ADAM22: variants seen among roughly 807,000 people sequenced by gnomAD.
ADAM22 encodes ADAM metallopeptidase domain 22, also known as disintegrin and metalloproteinase domain-containing protein 22.
Under a neutral mutation model 144.6 loss-of-function variants are expected in ADAM22, and 65 were observed. The ratio of observed to expected loss-of-function variants is 0.45; its 90% CI spans 0.37 to 0.55. The LOEUF (loss-of-function observed/expected upper bound fraction) is 0.55. ADAM22 is among the 20% of genes least tolerant of loss of function. The pLI, the probability that ADAM22 is intolerant of heterozygous loss-of-function variation, is 0.00. For synonymous variants in ADAM22, 391 were observed against 412.6 expected (o/e 0.95, Z 0.63); for missense variants, 974 against 1,184.9 (o/e 0.82, Z 2.61).
chr7:88,069,230 C>G (rs1812097740), intron 3 of ADAM22, among the ~76,000 whole-genome samples: 2 of 151,754 alleles, frequency 1.3e-5, no homozygotes, highest in African/African-American at 4.8e-5. Flanking sequence ...TCTCCCTTTC[C>G]TTCTCTCTCC....
At chr7:88,045,995 T>G (rs1804601938) in intron 3 of ADAM22, among the ~76,000 whole-genome samples, 1 of 151,520 alleles carries the variant, frequency 6.6e-6, no homozygotes, top group Non-Finnish European at 1.5e-5. Flanking sequence ...ACCCCATATC[T>G]TAGGTATTGC....
intron 2 of ADAM22, among the ~76,000 whole-genome samples, chr7:87,935,477 C>CA (rs1175782871): frequency 1.3e-5 from 2 of 152,132 alleles, no homozygotes; most frequent in East Asian, 3.9e-4. Context: ...ATCTGTCAAG[C>CA]AAAAGCCAGG....
chr7:88,021,965 A>G (rs932607504), intron 3 of ADAM22, among the ~76,000 whole-genome samples: 3 of 151,828 alleles, frequency 2.0e-5, no homozygotes, highest in African/African-American at 4.8e-5. Context: ...CTTGAACTCC[A>G]GGGCTCAAGT....
chr7:88,150,117 T>C (rs1837889281), intron 18 of ADAM22, among the ~76,000 whole-genome samples: 1 of 152,218 alleles, frequency 6.6e-6, no homozygotes, highest in African/African-American at 2.4e-5. Flanking sequence ...ACCGATGTCA[T>C]TAAGTCCTCC....
intron 7 of ADAM22, among the ~76,000 whole-genome samples, chr7:88,121,657 G>A (rs529818145): frequency 1.3e-5 from 2 of 152,232 alleles, no homozygotes; most frequent in African/African-American, 4.8e-5. Flanking sequence ...TCTCCACAGG[G>A]CTGCCCCCCA....
At chr7:88,113,219 T>G (rs567698299) in intron 5 of ADAM22, among the ~76,000 whole-genome samples, 2 of 147,626 alleles carry the variant, frequency 1.4e-5, no homozygotes, top group South Asian at 4.4e-4. Flanking sequence ...GTTGCTCAGG[T>G]CAAAACTTGG....
chr7:88,172,176 G>C (rs1261758594), intron 26 of ADAM22, among the ~76,000 whole-genome samples: 2 of 151,806 alleles, frequency 1.3e-5, no homozygotes, highest in East Asian at 1.9e-4. Context: ...CAGACACCCT[G>C]TATAGCATAA....
intron 7 of ADAM22, among the ~76,000 whole-genome samples, chr7:88,117,135 C>T (rs1827959406): frequency 6.6e-6 from 1 of 152,198 alleles, no homozygotes; most frequent in Non-Finnish European, 1.5e-5. Context: ...GTCTTGTAAA[C>T]ATAGGGATGA....
intron 25 of ADAM22, among the ~76,000 whole-genome samples, chr7:88,169,073 T>C (rs919470924): frequency 2.0e-5 from 3 of 152,182 alleles, no homozygotes; most frequent in South Asian, 4.1e-4. Context: ...TTGTTTGCTA[T>C]TATTATCACT....
chr7:87,964,759 T>G, intron 2 of ADAM22: 1 of 335,748 alleles, frequency 3.0e-6, no homozygotes, highest in Admixed American at 4.3e-5. Flanking sequence ...TGTGGATGGA[T>G]TCTTTCAACC....
intron 3 of ADAM22, among the ~76,000 whole-genome samples, chr7:88,023,153 A>T (rs765903567): frequency 6.6e-6 from 1 of 152,092 alleles, no homozygotes; most frequent in African/African-American, 2.4e-5. Context: ...TTAATGAAAG[A>T]TTGTTTAGAT....
intron 26 of ADAM22, among the ~76,000 whole-genome samples, chr7:88,175,472 T>G (rs1369823977): frequency 6.6e-6 from 1 of 152,118 alleles, no homozygotes; most frequent in Admixed American, 6.5e-5. Flanking sequence ...ATGCCAAAGT[T>G]GTACAGAGAA....
At chr7:88,143,212 T>C in intron 15 of ADAM22, 87 bp downstream of exon 15, 1 of 944,808 alleles carries the variant, frequency 1.1e-6, no homozygotes. Context: ...TATTGAATCT[T>C]AGAGAGCTTT....
intron 3 of ADAM22, among the ~76,000 whole-genome samples, chr7:88,044,566 C>T (rs779409931): frequency 7.2e-5 from 11 of 151,804 alleles, no homozygotes; most frequent in South Asian, 2.1e-4. Flanking sequence ...CCTGCCTCAG[C>T]CTCCTGAGTA....
chr7:88,060,101 C>T (rs1184591681), intron 3 of ADAM22, among the ~76,000 whole-genome samples: 1 of 152,050 alleles, frequency 6.6e-6, no homozygotes, highest in Non-Finnish European at 1.5e-5. Flanking sequence ...TTAAAAAATA[C>T]TTTACTGCTA....
intron 3 of ADAM22, among the ~76,000 whole-genome samples, chr7:88,001,491 G>A (rs770495402): frequency 6.6e-6 from 1 of 152,110 alleles, no homozygotes; most frequent in Admixed American, 6.6e-5. Context: ...AGTATGAAAA[G>A]CAGTAGAAAC....
At position 88,134,252 on chromosome 7, in the gene ADAM22, T is replaced by C; in HGVS notation, c.1078-77T>C. On this transcript the variant is annotated intron_variant, in intron 12 of 31. Transcript: ENST00000413139. ...TAGAAATTACTTATTTTCAGCGATA[T>C]TGTGACATTTTTCTCTGGTTCTTTG... The C allele has an allele frequency of 2.7e-6, 3 of 1,105,374 alleles. No individual in the cohort carries two copies. In the East Asian group the frequency reaches 7.5e-5, roughly 27 times the overall value. 68.5% of individuals were successfully genotyped at this position (1,105,374 alleles called of 1,614,324 possible).
chr7:88,125,103 G>C (rs574598957), intron 7 of ADAM22, among the ~76,000 whole-genome samples: 1 of 152,048 alleles, frequency 6.6e-6, no homozygotes, highest in Admixed American at 6.6e-5. Flanking sequence ...GATAAATCCT[G>C]AGATCAATTT....
At chr7:87,945,553 G>A (rs560900586) in intron 2 of ADAM22, among the ~76,000 whole-genome samples, 12 of 142,978 alleles carry the variant, frequency 8.4e-5, no homozygotes, top group African/African-American at 1.6e-4. Flanking sequence ...TCACTCTGTC[G>A]CCAGGCTGGA....
Sources: gnomAD v4.1 joint callset for allele counts (sites outside exome capture counted in the v4.1 genomes callset) on GRCh38, gnomAD v4.1.1 for gene constraint, MANE v1.5 for transcripts, NCBI Gene and HGNC (gene_info 2026-07-23, HGNC 2026-07-21) for gene names.